Variants in LAMA2 observed in about 807,000 individuals in gnomAD.
The protein encoded by LAMA2 is laminin subunit alpha 2.
A neutral mutation model predicts 364.8 loss-of-function variants in LAMA2; 269 were observed. The observed-to-expected ratio is 0.74, with a 90% CI of 0.67 to 0.82. LAMA2 has a LOEUF of 0.82. LAMA2 is among the 40% of genes least tolerant of loss of function. The probability of loss-of-function intolerance (pLI) is 0.00; values close to 1 mark genes in which losing one functional copy is unlikely to be tolerated. For synonymous variants in LAMA2, 1,379 were observed against 1,370.6 expected (o/e 1.01, Z -0.14); for missense variants, 3,807 against 3,873.2 (o/e 0.98, Z 0.45).
chr6:128,912,596 T>C (rs767111545), intron 1 of LAMA2, among the ~76,000 whole-genome samples: 4 of 152,218 alleles, frequency 2.6e-5, no homozygotes, highest in Non-Finnish European at 5.9e-5. Flanking sequence ...TCCCAATTTA[T>C]TCATTAAATA....
chr6:129,495,116 G>A (rs949970400), intron 58 of LAMA2, among the ~76,000 whole-genome samples: 2 of 152,150 alleles, frequency 1.3e-5, no homozygotes, highest in African/African-American at 4.8e-5. Flanking sequence ...TCATTGACAA[G>A]ATTTTCCAGT....
chr6:129,428,734 C>T lies in LAMA2; in HGVS notation c.5968+880C>T, dbSNP rs148474187. Among the ~76,000 whole-genome samples, 302 of 152,220 alleles carry T rather than the reference C, an allele frequency of 2.0e-3. 1 individual carries two copies. The highest frequency in any genetic ancestry group is 3.6e-3 in the Non-Finnish European group (243 of 68,018). On this transcript the variant is annotated intron_variant, in intron 41 of 64. Coordinates refer to ENST00000421865, the MANE Select transcript of LAMA2 (RefSeq NM_000426.4). The stretch of plus-strand genomic sequence containing the variant: ...TGCTGAGATTACAGATGTGAGCCAC[C>T]GTGCCCGGCCCTAAATACATTTTTC...
intron 5 of LAMA2, among the ~76,000 whole-genome samples, chr6:129,145,893 A>T (rs531330216): frequency 6.6e-6 from 1 of 151,998 alleles, no homozygotes; most frequent in African/African-American, 2.4e-5. Context: ...TTTTAAGCAA[A>T]TATCTCTATT....
At chr6:129,284,532 G>T (rs1195995634) in intron 18 of LAMA2, among the ~76,000 whole-genome samples, 3 of 151,964 alleles carry the variant, frequency 2.0e-5, no homozygotes, top group Non-Finnish European at 4.4e-5. Flanking sequence ...TTTTTAATGG[G>T]TTGGGAGAAA....
chr6:129,146,102 G>A (rs931945802), intron 5 of LAMA2, among the ~76,000 whole-genome samples: 5 of 151,734 alleles, frequency 3.3e-5, no homozygotes, highest in Admixed American at 1.3e-4. Flanking sequence ...TGGAAAAAGG[G>A]GATTCTTAGT....
rs116610521 is a variant in LAMA2 at position 129,090,469 on chromosome 6, T to G, written c.397-7704T>G. On this transcript the variant is annotated intron_variant, in intron 3 of 64. Transcript: ENST00000421865. Reference sequence around the variant, plus strand: ...AATTCATCACACCTGCTTCCAAGTTTTTTAAAAACAGTTGAATCAGGATTC... The same window carrying G: ...AATTCATCACACCTGCTTCCAAGTTGTTTAAAAACAGTTGAATCAGGATTC... 3.7e-3 allele frequency among the ~76,000 whole-genome samples: 570 copies of G among 152,306 alleles called. 2 individuals are homozygous for G. Among genetic ancestry groups the G allele is most frequent in the African/African-American group, 0.013 (543 of 41,558 alleles).
intron 56 of LAMA2, among the ~76,000 whole-genome samples, chr6:129,488,975 C>A (rs1889890): frequency 6.6e-6 from 1 of 151,896 alleles, no homozygotes; most frequent in South Asian, 2.1e-4. Context: ...ATTAACTAAC[C>A]TGCCCAAAAT....
intron 33 of LAMA2, among the ~76,000 whole-genome samples, chr6:129,366,808 A>G (rs955254679): frequency 1.3e-5 from 2 of 152,222 alleles, no homozygotes; most frequent in Admixed American, 6.5e-5. Flanking sequence ...TTCTTCCACC[A>G]GAGATGATGT....
At chr6:129,407,002 T>G (rs9385489) in intron 40 of LAMA2, among the ~76,000 whole-genome samples, 76,253 of 151,900 alleles carry the variant, frequency 0.5, 19,630 homozygotes, top group African/African-American at 0.62. Flanking sequence ...GAGTGTGATG[T>G]TCAAGGGCAG....
At chr6:129,331,474 C>T (rs1490110454) in intron 29 of LAMA2, among the ~76,000 whole-genome samples, 2 of 152,086 alleles carry the variant, frequency 1.3e-5, no homozygotes, top group Non-Finnish European at 2.9e-5. Flanking sequence ...CAAGCTCCCA[C>T]TACTGCATGC....
chr6:129,355,669 C>CA (rs1480265215), intron 32 of LAMA2, among the ~76,000 whole-genome samples: 1 of 152,060 alleles, frequency 6.6e-6, no homozygotes, highest in African/African-American at 2.4e-5. Context: ...GAAATGTCTG[C>CA]AGTGCTTGTT....
intron 34 of LAMA2, among the ~76,000 whole-genome samples, chr6:129,379,714 A>G (rs953733548): frequency 9.2e-5 from 14 of 152,182 alleles, no homozygotes; most frequent in Non-Finnish European, 1.5e-4. Flanking sequence ...GCTAGAAAGC[A>G]GTGTAGTTGG....
intron 1 of LAMA2, among the ~76,000 whole-genome samples, chr6:128,936,440 T>G (rs1385613882): frequency 6.6e-6 from 1 of 152,188 alleles, no homozygotes; most frequent in Non-Finnish European, 1.5e-5. Context: ...TAATATGATT[T>G]TTATTCTTTA....
chr6:128,916,567 C>A (rs190142451), intron 1 of LAMA2, among the ~76,000 whole-genome samples: 261 of 152,284 alleles, frequency 1.7e-3, no homozygotes, highest in Non-Finnish European at 2.8e-3. Flanking sequence ...AGTCTTCCTT[C>A]TGTAGTGATT....
chr6:129,286,031 A>G (rs761024394), intron 18 of LAMA2, among the ~76,000 whole-genome samples: 1 of 152,156 alleles, frequency 6.6e-6, no homozygotes, highest in African/African-American at 2.4e-5. Flanking sequence ...CACCAAATTA[A>G]TGGCTCTGCC....
chr6:129,334,923 T>C (rs1245219173), intron 29 of LAMA2, among the ~76,000 whole-genome samples: 1 of 152,172 alleles, frequency 6.6e-6, no homozygotes, highest in African/African-American at 2.4e-5. Context: ...AGACAGGATT[T>C]CAACATACAA....
chr6:129,045,640 C>A (rs573577211), intron 1 of LAMA2, among the ~76,000 whole-genome samples: 1 of 152,246 alleles, frequency 6.6e-6, no homozygotes, highest in South Asian at 2.1e-4. Context: ...ACTCTGTAAT[C>A]CCTTTGTAGC....
intron 29 of LAMA2, among the ~76,000 whole-genome samples, chr6:129,335,371 GATA>G (rs1775897464): frequency 6.6e-6 from 1 of 151,682 alleles, no homozygotes; most frequent in Non-Finnish European, 1.5e-5. Context: ...TAGATAGATA[GATA>G]GATAGATAGA....
At chr6:129,326,281 AC>A (rs1775275647) in intron 28 of LAMA2, among the ~76,000 whole-genome samples, 2 of 151,580 alleles carry the variant, frequency 1.3e-5, no homozygotes, top group South Asian at 4.2e-4. Flanking sequence ...AGAGGAATTG[AC>A]TCCACCTCCT....
Sources: gnomAD v4.1 joint callset for allele counts (sites outside exome capture counted in the v4.1 genomes callset) on GRCh38, gnomAD v4.1.1 for gene constraint, MANE v1.5 for transcripts, NCBI Gene and HGNC (gene_info 2026-07-23, HGNC 2026-07-21) for gene names.